Variants in C7 observed in about 807,000 individuals in gnomAD.
The protein encoded by C7 is complement component C7.
In C7, 83 loss-of-function variants were observed where a neutral mutation model predicts 104.8. The ratio of observed to expected loss-of-function variants is 0.79; its 90% CI spans 0.66 to 0.95. The LOEUF (loss-of-function observed/expected upper bound fraction) is 0.95, where lower values mean the gene tolerates loss of function less well. Ranked by LOEUF, C7 falls within the 40% of genes least tolerant of loss-of-function variation. C7 has a pLI of 0.00. For missense variants in C7, 1,070 were observed against 1,011.2 expected (o/e 1.06, Z -0.79); for synonymous variants, 415 against 360.6 (o/e 1.15, Z -1.71).
chr5:40,945,006 C>T (rs538925492), intron 6 of C7, among the ~76,000 whole-genome samples, 192 bp from the exon 7 acceptor site: 4 of 152,042 alleles, frequency 2.6e-5, no homozygotes, highest in Middle Eastern at 3.2e-3. Flanking sequence ...ACCATGTGTC[C>T]TGCTTAATAA....
At chr5:40,938,250 G>T (rs955532041) in intron 6 of C7, among the ~76,000 whole-genome samples, 3 of 151,872 alleles carry the variant, frequency 2.0e-5, no homozygotes, top group Non-Finnish European at 4.4e-5. Flanking sequence ...TTTATATTTT[G>T]TATTAATTAT....
chr5:40,923,602 C>G (rs1408751709), intron 1 of C7, among the ~76,000 whole-genome samples: 1 of 151,986 alleles, frequency 6.6e-6, no homozygotes, highest in Non-Finnish European at 1.5e-5. Flanking sequence ...AAAATTTAGC[C>G]AGGCATGGTA....
At chr5:40,956,034 T>A (rs1444577779) in intron 10 of C7, among the ~76,000 whole-genome samples, 1 of 152,094 alleles carries the variant, frequency 6.6e-6, no homozygotes, top group Non-Finnish European at 1.5e-5. Context: ...TCTTTTATAA[T>A]GCAACAAATG....
At chr5:40,970,114 G>A (rs1426435137) in intron 14 of C7, among the ~76,000 whole-genome samples, 8 of 152,176 alleles carry the variant, frequency 5.3e-5, no homozygotes, top group Non-Finnish European at 5.9e-5. Context: ...CATTCAAAAA[G>A]TGCTGTGGAT....
At chr5:40,957,747 C>G (rs779082762) in intron 10 of C7, among the ~76,000 whole-genome samples, 19 of 143,782 alleles carry the variant, frequency 1.3e-4, no homozygotes, top group Non-Finnish European at 2.3e-4. Flanking sequence ...TGAGTCATCG[C>G]GCCTGGGCTG....
At chr5:40,976,955 T>G (rs1740832674) in intron 16 of C7, 115 bp downstream of exon 16, 1 of 774,118 alleles carries the variant, frequency 1.3e-6, no homozygotes, top group African/African-American at 1.8e-5. Context: ...TTAAGGGTCT[T>G]TGTTTGCATT....
chr5:40,922,495 T>C (rs1053675020), intron 1 of C7, among the ~76,000 whole-genome samples: 3 of 149,050 alleles, frequency 2.0e-5, no homozygotes, highest in Non-Finnish European at 4.4e-5. Flanking sequence ...AAGTTAGGAG[T>C]TTGAGACCAG....
chr5:40,940,841 C>T (rs1270334782), intron 6 of C7, among the ~76,000 whole-genome samples: 1 of 152,156 alleles, frequency 6.6e-6, no homozygotes, highest in Non-Finnish European at 1.5e-5. Context: ...AGCTTATCCA[C>T]AGCATAGAAG....
At chr5:40,957,746 G>A (rs1242853717) in intron 10 of C7, among the ~76,000 whole-genome samples, 1 of 145,272 alleles carries the variant, frequency 6.9e-6, no homozygotes, top group Non-Finnish European at 1.5e-5. Context: ...GTGAGTCATC[G>A]CGCCTGGGCT....
intron 4 of C7, 29 bp from the exon 5 acceptor site, chr5:40,936,309 A>G: frequency 6.2e-7 from 1 of 1,612,054 alleles, no homozygotes. Context: ...CCTCTTTTAC[A>G]TTTGCACGTG....
rs758818511 is a variant in C7 at position 40,972,426 on chromosome 5, C to G, written c.1906C>G (p.Leu636Val). The stretch of plus-strand genomic sequence containing the variant: ...AGAAATTGCCTGTGTTCTACCTGTA[C>G]TGATGGATGGCATACAGAGTCACCC... The part of the protein sequence containing the change: ...CQKIACVLPV[L>V]MDGIQSHPQK... The change falls in exon 15 of 18, where the codon CTG (leucine) becomes GTG (valine). Residue 636 changes from leucine (L) to valine (V), a missense_variant. Leu to Val is a conservative substitution (Grantham distance 32). Coordinates refer to ENST00000313164, the MANE Select transcript of C7 (RefSeq NM_000587.4). The G allele has an allele frequency of 6.2e-7, 1 of 1,613,842 alleles. No individual in the cohort carries two copies. The highest frequency in any genetic ancestry group is 8.5e-7 in the Non-Finnish European group (1 of 1,179,786).
At chr5:40,924,832 G>A (rs1317602821) in intron 1 of C7, among the ~76,000 whole-genome samples, 3 of 152,236 alleles carry the variant, frequency 2.0e-5, no homozygotes, top group African/African-American at 7.2e-5. Context: ...TGCATGCAGG[G>A]ATCAGTGTCT....
chr5:40,947,486 C>T lies in C7; in HGVS notation c.739-116C>T, dbSNP rs539538181. 8.9e-5 allele frequency: 102 copies of T among 1,149,268 alleles called. No homozygotes were observed. In the East Asian group the frequency reaches 2.5e-3, roughly 29 times the overall value. 71.2% of individuals were successfully genotyped at this position (1,149,268 alleles called of 1,614,324 possible). ...TCATCATGCGTCAAAAATAAAAATT[C>T]TTGTAGTCTTGGTTGATTGGAGATG... is the stretch of plus-strand genomic sequence containing the variant. On this transcript the variant is annotated intron_variant, in intron 7 of 17. Transcript: ENST00000313164.
intron 7 of C7, among the ~76,000 whole-genome samples, chr5:40,945,981 T>G: frequency 6.6e-6 from 1 of 150,438 alleles, no homozygotes; most frequent in East Asian, 1.9e-4. Flanking sequence ...TACAAAGCCC[T>G]TATTACCTTG....
chr5:40,980,001 G>A, intron 17 of C7, 92 bp downstream of exon 17: 7 of 1,084,374 alleles, frequency 6.5e-6, no homozygotes, highest in Middle Eastern at 2.3e-4. Context: ...GCAGTGGGCC[G>A]AAGAAGATAC....
rs1450656 is a variant in C7, at chr5:40,949,895, C to T, written c.983-9C>T. 0.64 allele frequency: 961,323 copies of T among 1,501,092 alleles called. 309,137 individuals are homozygous for T. The highest frequency in any genetic ancestry group is 0.73 in the African/African-American group (53,494 of 72,894). The allele number at this position is 1,501,092 out of a possible 1,614,324, so 93.0% of individuals were successfully genotyped here. On this transcript the variant is annotated splice_polypyrimidine_tract_variant and intron_variant, in intron 8 of 17. Coordinates refer to ENST00000313164, the MANE Select transcript of C7 (RefSeq NM_000587.4). ...ATTAAACATGTCTCTTTTACATTTT[C>T]TCCCCTAGATTTTAATTCAGTCGAA... is the stretch of plus-strand genomic sequence containing the variant.
At chr5:40,928,974 G>T (rs1254279687) in intron 2 of C7, among the ~76,000 whole-genome samples, 1 of 152,030 alleles carries the variant, frequency 6.6e-6, no homozygotes, top group African/African-American at 2.4e-5. Context: ...TGTAATCCTT[G>T]CAAAGCATCC....
chr5:40,961,332 G>T (rs960761811), intron 12 of C7, among the ~76,000 whole-genome samples: 8 of 152,088 alleles, frequency 5.3e-5, no homozygotes, highest in African/African-American at 1.9e-4. Flanking sequence ...CTTAGTAAAA[G>T]GTAGTTATAA....
At chr5:40,940,601 C>G (rs1739915208) in intron 6 of C7, among the ~76,000 whole-genome samples, 1 of 152,176 alleles carries the variant, frequency 6.6e-6, no homozygotes, top group Non-Finnish European at 1.5e-5. Flanking sequence ...ATTATCTAAG[C>G]CTTTGCTTCC....
Sources: allele counts gnomAD v4.1 joint callset (sites outside exome capture counted in the v4.1 genomes callset), GRCh38; gene constraint gnomAD v4.1.1; transcripts MANE v1.5; gene names NCBI Gene and HGNC (gene_info 2026-07-23, HGNC 2026-07-21).